The following STAM2 variants were observed in gnomAD, a reference collection of about 807,000 sequenced individuals.
The protein encoded by STAM2 is signal transducing adaptor molecule 2.
In STAM2, 51 loss-of-function variants were observed where a neutral mutation model predicts 65.6. That is an observed-to-expected ratio of 0.78 (90% CI 0.62 to 0.98). STAM2 has a LOEUF of 0.98. STAM2 is among the 50% of genes least tolerant of loss of function. The pLI is 0.00. For missense variants in STAM2, 584 were observed against 617.8 expected (o/e 0.95, Z 0.58); for synonymous variants, 198 against 208.4 (o/e 0.95, Z 0.43).
At chr2:152,135,117 A>C (rs1458046766) in intron 8 of STAM2, among the ~76,000 whole-genome samples, 1 of 152,224 alleles carries the variant, frequency 6.6e-6, no homozygotes, top group Non-Finnish European at 1.5e-5. Flanking sequence ...GGCACTTGCC[A>C]ACCACAACCT....
intron 1 of STAM2, among the ~76,000 whole-genome samples, chr2:152,158,673 C>G (rs1427191228): frequency 1.3e-5 from 2 of 152,002 alleles, no homozygotes; most frequent in Non-Finnish European, 2.9e-5. Context: ...GAACAGAATA[C>G]CTGAAACTGG....
At position 152,123,850 on chromosome 2, in the gene STAM2, G is replaced by A. The variant is rs974870430; in HGVS notation, c.1265C>T (p.Pro422Leu). 2 of 1,613,970 alleles carry A rather than the reference G, an allele frequency of 1.2e-6. No individual in the cohort carries two copies. Among genetic ancestry groups the A allele is most frequent in the Admixed American group, 3.3e-5 (2 of 60,016 alleles). Residue 422 changes from proline (P) to leucine (L), a missense_variant, in exon 13 of 14, where the codon CCC becomes CTC. By Grantham distance (98) the Pro-to-Leu change is moderately conservative. Coordinates refer to ENST00000263904, the MANE Select transcript of STAM2 (RefSeq NM_005843.6). ...VTVAQSYSLG[P>L]DQIGPLRSLP... The stretch of plus-strand genomic sequence containing the variant: ...AGATCTCAGTGGACCAATTTGATCG[G>A]GTCCTAGGCTATAGCTTTGGGCAAC...
intron 2 of STAM2, among the ~76,000 whole-genome samples, chr2:152,148,716 T>C (rs1689382000): frequency 6.6e-6 from 1 of 152,120 alleles, no homozygotes; most frequent in Non-Finnish European, 1.5e-5. Context: ...AAATTTCATA[T>C]TGTTAAAGGA....
At chr2:152,135,462 G>A in intron 8 of STAM2, 47 bp downstream of exon 8, 2 of 1,311,650 alleles carry the variant, frequency 1.5e-6, no homozygotes, top group East Asian at 4.7e-5. Flanking sequence ...TAAAATTTAA[G>A]TGAAAAAAAC....
intron 2 of STAM2, among the ~76,000 whole-genome samples, chr2:152,149,245 A>G (rs1422073614): frequency 6.6e-6 from 1 of 152,162 alleles, no homozygotes; most frequent in Non-Finnish European, 1.5e-5. Flanking sequence ...TCACCTATAC[A>G]TTGTTATCAT....
At chr2:152,158,959 G>A (rs763628345) in intron 1 of STAM2, among the ~76,000 whole-genome samples, 3 of 150,960 alleles carry the variant, frequency 2.0e-5, no homozygotes, top group African/African-American at 7.3e-5. Flanking sequence ...AAATTTTGGG[G>A]GATACATTCT....
intron 1 of STAM2, among the ~76,000 whole-genome samples, chr2:152,170,148 T>C (rs1010745084): frequency 2.0e-5 from 3 of 150,872 alleles, no homozygotes; most frequent in African/African-American, 7.3e-5. Flanking sequence ...AGAGCTACAC[T>C]TCTACTGAAG....
rs1413965976 is a variant in STAM2 at position 152,133,218 on chromosome 2, G to C, written c.925C>G (p.Pro309Ala). The change falls in exon 10 of 14, where the codon CCA becomes GCA. Residue 309 changes from proline (P) to alanine (A), a missense_variant. Transcript: ENST00000263904. ...TGGGAGTCTGGTTTTGAATCTGTTG[G>C]ATCTATACTCTGAAGTACCTGCAGG... ...RALQVLQSID[P>A]TDSKPDSQDL... 2 of 1,609,114 alleles carry C rather than the reference G, an allele frequency of 1.2e-6. No individual in the cohort carries two copies. Among genetic ancestry groups the C allele is most frequent in the South Asian group, 1.1e-5 (1 of 90,006 alleles).
At chr2:152,121,917 A>G (rs963598294) in intron 13 of STAM2, among the ~76,000 whole-genome samples, 3 of 151,914 alleles carry the variant, frequency 2.0e-5, no homozygotes, top group Non-Finnish European at 4.4e-5. Flanking sequence ...GTGTGGTGGC[A>G]CGCGCCTGTA....
intron 1 of STAM2, among the ~76,000 whole-genome samples, chr2:152,173,437 G>A (rs778790854): frequency 1.0e-4 from 12 of 116,416 alleles, no homozygotes; most frequent in South Asian, 5.5e-4. Flanking sequence ...TTGCTCTGTC[G>A]CCAGGCTGGA....
At chr2:152,151,726 T>C (rs1397168702) in intron 1 of STAM2, among the ~76,000 whole-genome samples, 1 of 152,202 alleles carries the variant, frequency 6.6e-6, no homozygotes, top group Non-Finnish European at 1.5e-5. Flanking sequence ...CTCCAAAGAT[T>C]TACCTATTCC....
At chr2:152,143,728 T>C (rs1689290167) in intron 7 of STAM2, 99 bp downstream of exon 7, 2 of 943,714 alleles carry the variant, frequency 2.1e-6, no homozygotes, top group Non-Finnish European at 1.5e-6. Context: ...AATGGTTCTA[T>C]TATGATTTAA....
intron 1 of STAM2, among the ~76,000 whole-genome samples, chr2:152,156,402 T>A (rs894461872): frequency 3.3e-5 from 5 of 152,200 alleles, no homozygotes; most frequent in Non-Finnish European, 4.4e-5. Context: ...ATTTTAAATA[T>A]TATAATTAAG....
chr2:152,132,192 A>T lies in STAM2; in HGVS notation c.971-24T>A. The T allele has an allele frequency of 1.3e-6, 2 of 1,580,948 alleles. 1 individual carries two copies. Among genetic ancestry groups the T allele is most frequent in the South Asian group, 2.2e-5 (2 of 89,264 alleles). ...ATCTGTAAATACAAAAATACTTACA[A>T]ATATAGAAACTTAATCCAGTTTAAG... On this transcript the variant is annotated intron_variant, in intron 10 of 13. Coordinates refer to ENST00000263904, the MANE Select transcript of STAM2 (RefSeq NM_005843.6).
At chr2:152,147,997 T>C (rs1689366112) in intron 4 of STAM2, 27 bp downstream of exon 4, 2 of 1,542,972 alleles carry the variant, frequency 1.3e-6, no homozygotes, top group Non-Finnish European at 1.8e-6. Context: ...TTTAATGACT[T>C]AAAGTTCTTC....
intron 12 of STAM2, among the ~76,000 whole-genome samples, chr2:152,124,951 C>T (rs1288941254): frequency 6.6e-6 from 1 of 152,194 alleles, no homozygotes; most frequent in Non-Finnish European, 1.5e-5. Context: ...ATTTCAAATG[C>T]TCTTGAGTGA....
chr2:152,122,768 A>T (rs1688880695), intron 13 of STAM2, among the ~76,000 whole-genome samples: 1 of 152,118 alleles, frequency 6.6e-6, no homozygotes, highest in Non-Finnish European at 1.5e-5. Context: ...GTTTTTATTT[A>T]AAAAAAGAAC....
chr2:152,163,379 T>A lies in STAM2; in HGVS notation c.40+12224A>T, dbSNP rs1234492289. ...TATAATTTCTTATGCCTGTCTTTAA[T>A]TTCTTAATCCTGTTATCTTCGTAAG... On this transcript the variant is annotated intron_variant, in intron 1 of 13. Coordinates refer to ENST00000263904, the MANE Select transcript of STAM2 (RefSeq NM_005843.6). Among the ~76,000 whole-genome samples, 4 of 152,370 alleles carry A rather than the reference T, an allele frequency of 2.6e-5. No individual in the cohort carries two copies. In the East Asian group the frequency reaches 7.7e-4, roughly 29 times the overall value.
Position 152,175,602 on chromosome 2 carries a change from C to T in STAM2, c.40+1G>A, listed in dbSNP as rs780240024. 6.2e-7 allele frequency: 1 copy of T among 1,614,086 alleles called. No homozygotes were observed. Among genetic ancestry groups the T allele is most frequent in the Non-Finnish European group, 8.5e-7 (1 of 1,179,972 alleles). ...AGTCCAGGACCGGGCACAGCACTCACCCACGTCTTGCTCGAAGGGGTTGGC... is the reference window on the plus strand; with the variant it reads ...AGTCCAGGACCGGGCACAGCACTCATCCACGTCTTGCTCGAAGGGGTTGGC... On this transcript the variant is annotated splice_donor_variant, in intron 1 of 13. Transcript: ENST00000263904. LOFTEE classifies it high-confidence loss of function.
Sources: gnomAD v4.1 joint callset for allele counts (sites outside exome capture counted in the v4.1 genomes callset) on GRCh38, gnomAD v4.1.1 for gene constraint, MANE v1.5 for transcripts, NCBI Gene and HGNC (gene_info 2026-07-23, HGNC 2026-07-21) for gene names.